Variants in PCDH9 observed in about 807,000 individuals in gnomAD.
The protein encoded by PCDH9 is protocadherin 9, also known as protocadherin-9.
Under a neutral mutation model 70.6 loss-of-function variants are expected in PCDH9, and 24 were observed. That is an observed-to-expected ratio of 0.34 (90% CI 0.25 to 0.48). The LOEUF is 0.48. Among genes scored for constraint, PCDH9 ranks in the 20% least tolerant of loss-of-function variants. PCDH9 has a pLI of 0.99. For synonymous variants in PCDH9, 562 were observed against 558.5 expected, an observed-to-expected ratio of 1.01 and a Z score of -0.09; for missense variants, 1,281 against 1,503.6, an observed-to-expected ratio of 0.85 and a Z score of 2.45.
intron 2 of PCDH9, among the ~76,000 whole-genome samples, chr13:67,038,533 A>G (rs2085051988): frequency 6.6e-6 from 1 of 152,198 alleles, no homozygotes; most frequent in South Asian, 2.1e-4. Context: ...GTGATACTAT[A>G]GCAAGCTGCC....
At chr13:66,568,546 G>A (rs2076685669) in intron 4 of PCDH9, among the ~76,000 whole-genome samples, 1 of 149,468 alleles carries the variant, frequency 6.7e-6, no homozygotes, top group South Asian at 2.1e-4. Context: ...AAAGTAGCTA[G>A]ATGTGGTCCC....
chr13:66,518,954 T>C (rs1959868599), intron 4 of PCDH9, among the ~76,000 whole-genome samples: 1 of 152,158 alleles, frequency 6.6e-6, no homozygotes, highest in Non-Finnish European at 1.5e-5. Flanking sequence ...TAAAACTGTT[T>C]TAAATAAAGA....
intron 3 of PCDH9, among the ~76,000 whole-genome samples, chr13:66,893,025 T>C (rs1266622442): frequency 6.6e-6 from 1 of 152,170 alleles, no homozygotes; most frequent in East Asian, 1.9e-4. Flanking sequence ...TAGGCCAGTA[T>C]TCTCCAAAAT....
intron 2 of PCDH9, among the ~76,000 whole-genome samples, chr13:67,042,702 G>A (rs1048673818): frequency 6.6e-6 from 1 of 152,024 alleles, no homozygotes; most frequent in Non-Finnish European, 1.5e-5. Flanking sequence ...TATGCACCAG[G>A]CACAATGGGA....
At chr13:67,090,058 T>C (rs549155492) in intron 2 of PCDH9, among the ~76,000 whole-genome samples, 6 of 152,110 alleles carry the variant, frequency 3.9e-5, no homozygotes, top group African/African-American at 1.4e-4. Flanking sequence ...CTTAGCCCCT[T>C]TGCGTTGACC....
chr13:66,886,987 T>C (rs1310233934), intron 3 of PCDH9, among the ~76,000 whole-genome samples: 1 of 151,266 alleles, frequency 6.6e-6, no homozygotes, highest in Non-Finnish European at 1.5e-5. Flanking sequence ...CTTTCTCTAT[T>C]CTATTGTGTT....
intron 2 of PCDH9, among the ~76,000 whole-genome samples, chr13:67,023,253 T>C (rs2084715028): frequency 6.6e-6 from 1 of 152,108 alleles, no homozygotes; most frequent in African/African-American, 2.4e-5. Context: ...TCAACACCTG[T>C]TCCAAATTAG....
intron 2 of PCDH9, among the ~76,000 whole-genome samples, chr13:66,983,679 T>A (rs1048638086): frequency 4.6e-5 from 7 of 152,022 alleles, no homozygotes; most frequent in African/African-American, 1.7e-4. Flanking sequence ...CTCACTCTTT[T>A]TTAAAAAAAA....
At chr13:66,743,768 A>G (rs77380711) in intron 3 of PCDH9, among the ~76,000 whole-genome samples, 155 of 152,204 alleles carry the variant, frequency 1.0e-3, no homozygotes, top group Non-Finnish European at 2.0e-3. Flanking sequence ...ATACAATTTT[A>G]GTCGTAAATG....
At chr13:67,217,230 CTG>C (rs370325485) in intron 2 of PCDH9, 2 of 151,036 alleles carry the variant, frequency 1.3e-5, no homozygotes, top group African/African-American at 4.9e-5. Context: ...ATAACTGCTT[CTG>C]TGTTTCCGTT....
chr13:66,450,878 C>T (rs556272279), intron 4 of PCDH9, among the ~76,000 whole-genome samples: 28 of 152,134 alleles, frequency 1.8e-4, no homozygotes, highest in African/African-American at 6.7e-4. Flanking sequence ...ATTAGCCAGG[C>T]GTGGTGGCGG....
At chr13:66,777,774 A>G (rs961188629) in intron 3 of PCDH9, among the ~76,000 whole-genome samples, 10 of 152,166 alleles carry the variant, frequency 6.6e-5, no homozygotes, top group South Asian at 2.1e-4. Context: ...CAGCCATCCC[A>G]TTACTGGGTA....
chr13:66,548,882 C>T (rs1292913051), intron 4 of PCDH9, among the ~76,000 whole-genome samples: 6 of 151,742 alleles, frequency 4.0e-5, no homozygotes, highest in African/African-American at 1.5e-4. Context: ...AAAATGCCAT[C>T]GATAATGTTT....
chr13:66,996,925 T>C (rs2084128943), intron 2 of PCDH9, among the ~76,000 whole-genome samples: 1 of 151,902 alleles, frequency 6.6e-6, no homozygotes, highest in Non-Finnish European at 1.5e-5. Context: ...AGAAAAAGAG[T>C]TGTTGACAGG....
intron 4 of PCDH9, among the ~76,000 whole-genome samples, chr13:66,370,643 T>G (rs1593871164): frequency 6.6e-6 from 1 of 151,964 alleles, no homozygotes; most frequent in Admixed American, 6.6e-5. Context: ...CTTGAGTAGC[T>G]GGGACTACAG....
chr13:66,663,675 G>T (rs570956917), intron 3 of PCDH9, among the ~76,000 whole-genome samples: 13 of 152,082 alleles, frequency 8.5e-5, no homozygotes, highest in Non-Finnish European at 1.6e-4. Flanking sequence ...AGAGATTCTC[G>T]ATATAAAAAT....
At chr13:66,497,288 A>G (rs752723400) in intron 4 of PCDH9, among the ~76,000 whole-genome samples, 2 of 151,634 alleles carry the variant, frequency 1.3e-5, no homozygotes, top group Non-Finnish European at 2.9e-5. Context: ...TGCCCAGTCT[A>G]GTTTCAAACT....
chr13:66,544,713 C>G (rs1180680678), intron 4 of PCDH9, among the ~76,000 whole-genome samples: 1 of 152,082 alleles, frequency 6.6e-6, no homozygotes, highest in Non-Finnish European at 1.5e-5. Flanking sequence ...GGAGAGGTAA[C>G]TTCCAGGTTT....
At chr13:67,194,311 G>C (rs2088999557) in intron 2 of PCDH9, among the ~76,000 whole-genome samples, 1 of 151,542 alleles carries the variant, frequency 6.6e-6, no homozygotes, top group African/African-American at 2.4e-5. Context: ...TAAAACCATA[G>C]GGGACAAAAA....
Sources: gnomAD v4.1 joint callset for allele counts (sites outside exome capture counted in the v4.1 genomes callset) on GRCh38, gnomAD v4.1.1 for gene constraint, MANE v1.5 for transcripts, NCBI Gene and HGNC (gene_info 2026-07-23, HGNC 2026-07-21) for gene names.